The following RPS27A variants were observed in gnomAD, a reference collection of about 807,000 sequenced individuals.
The protein encoded by RPS27A is ubiquitin-ribosomal protein eS31 fusion protein.
A neutral mutation model predicts 18.9 loss-of-function variants in RPS27A; 1 was observed. The observed-to-expected ratio is 0.05, with a 90% CI of 0.02 to 0.25. RPS27A has a LOEUF of 0.25. RPS27A is among the 10% of genes least tolerant of loss of function. The pLI, the probability that RPS27A is intolerant of heterozygous loss-of-function variation, is 1.00. For missense variants in RPS27A, 123 were observed against 187.4 expected (o/e 0.66, Z 2.01); for synonymous variants, 77 against 63.7 (o/e 1.21, Z -0.99).
intron 2 of RPS27A, 90 bp downstream of exon 2, chr2:55,232,962 C>T (rs1573825812): frequency 2.8e-6 from 3 of 1,068,762 alleles, no homozygotes; most frequent in Non-Finnish European, 4.3e-6. Flanking sequence ...TGTCTTAGAC[C>T]ATGATTCCGA....
intron 5 of RPS27A, 48 bp from the exon 6 acceptor site, chr2:55,235,380 T>G: frequency 6.2e-7 from 1 of 1,604,832 alleles, no homozygotes; most frequent in East Asian, 2.2e-5. Context: ...AAATTAGACT[T>G]CAGAATGTGT....
intron 2 of RPS27A, 86 bp from the exon 3 acceptor site, chr2:55,233,277 C>T (rs1325965439): frequency 1.8e-6 from 2 of 1,137,418 alleles, no homozygotes; most frequent in Non-Finnish European, 1.3e-6. Context: ...GTCGCTGGTT[C>T]GGTTCAGTGG....
At chr2:55,232,291 T>G (rs1675494588), upstream of RPS27A, 3 of 203,800 alleles carry the variant, frequency 1.5e-5, no homozygotes, top group Admixed American at 1.6e-4. Context: ...AACTAGGGAA[T>G]CTGGGAGGTG....
intron 4 of RPS27A, 96 bp downstream of exon 4, chr2:55,234,300 C>T (rs1046533217): frequency 2.3e-6 from 2 of 885,452 alleles, no homozygotes; most frequent in Non-Finnish European, 3.7e-6. Flanking sequence ...GACTCTGTCA[C>T]CTAGGGTGGA....
chr2:55,235,114 A>G, intron 5 of RPS27A, 152 bp downstream of exon 5: 1 of 892,546 alleles, frequency 1.1e-6, no homozygotes. Flanking sequence ...AGAAATTCAG[A>G]CTTTCTGGGG....
intron 5 of RPS27A, chr2:55,235,185 T>A: frequency 1.4e-6 from 1 of 703,786 alleles, no homozygotes; most frequent in Non-Finnish European, 2.3e-6. Context: ...AAAGTCGGGT[T>A]TGGGTTCAGG....
chr2:55,233,910 G>A (rs1298607526), intron 3 of RPS27A: 1 of 619,744 alleles, frequency 1.6e-6, no homozygotes, highest in African/African-American at 1.8e-5. Flanking sequence ...TATTACAGGT[G>A]TCAGCCACTG....
At chr2:55,232,746 C>A in intron 1 of RPS27A, 38 bp downstream of exon 1, 2 of 1,331,506 alleles carry the variant, frequency 1.5e-6, no homozygotes, top group Non-Finnish European at 2.1e-6. Context: ...GGGTTAGCAC[C>A]CTATGGTGCC....
In RPS27A at chr2:55,235,524, T is replaced by C. The variant is rs1675743576; in HGVS notation, c.418T>C (p.Tyr140His). The C allele has an allele frequency of 3.1e-6, 5 of 1,609,298 alleles. No individual in the cohort carries two copies. The highest frequency in any genetic ancestry group is 3.4e-6 in the Non-Finnish European group (4 of 1,179,990). Residue 140 changes from tyrosine (Y) to histidine (H), a missense_variant, in exon 6 of 6, where the codon TAT becomes CAT. Coordinates refer to ENST00000272317, the MANE Select transcript of RPS27A (RefSeq NM_002954.6). The stretch of plus-strand genomic sequence containing the variant: ...TATGGCAAGTCACTTTGACAGACAT[T>C]ATTGTGGCAAATGTTGTCTGACTTA... ...VFMASHFDRH[Y>H]CGKCCLTYCF... is the part of the protein sequence containing the mutation.
At chr2:55,234,271 T>G in intron 4 of RPS27A, 67 bp downstream of exon 4, 1 of 1,180,314 alleles carries the variant, frequency 8.5e-7, no homozygotes, top group Non-Finnish European at 1.3e-6. Flanking sequence ...TTTATTTTAC[T>G]TTTTTTGAGA....
intron 3 of RPS27A, 177 bp from the exon 4 acceptor site, chr2:55,233,942 T>C (rs1414203183): frequency 1.5e-6 from 1 of 665,464 alleles, no homozygotes; most frequent in African/African-American, 1.8e-5. Context: ...GTATTGTCCC[T>C]AATATTAAAT....
chr2:55,232,952 T>C (rs1256994744), intron 2 of RPS27A, 80 bp downstream of exon 2: 6 of 1,156,710 alleles, frequency 5.2e-6, no homozygotes, highest in Non-Finnish European at 6.4e-6. Context: ...CTGCTTTCCA[T>C]GTCTTAGACC....
Position 55,235,617 on chromosome 2 carries a change from T to C in RPS27A, c.*40T>C, listed in dbSNP as rs200893583. 29 of 1,593,548 alleles carry C rather than the reference T, an allele frequency of 1.8e-5. No homozygotes were observed. In the Admixed American group the frequency reaches 2.2e-4, roughly 12 times the overall value. On this transcript the variant is annotated 3_prime_UTR_variant, in exon 6 of 6. Transcript: ENST00000272317. The stretch of plus-strand genomic sequence containing the variant: ...AAAAGACATGAACTAACATTTATTG[T>C]TGGGTTTTATTGCAGTAAAAAGAAT...
intron 4 of RPS27A, 118 bp from the exon 5 acceptor site, chr2:55,234,713 C>A: frequency 8.3e-7 from 1 of 1,211,632 alleles, no homozygotes; most frequent in South Asian, 1.3e-5. Context: ...TTGGGGGCTG[C>A]AAGATTCCCT....
intron 3 of RPS27A, 141 bp from the exon 4 acceptor site, chr2:55,233,978 T>G: frequency 1.4e-6 from 1 of 722,972 alleles, no homozygotes; most frequent in Non-Finnish European, 2.6e-6. Flanking sequence ...ATGTAAAGAT[T>G]TAGAACCATG....
In RPS27A at chr2:55,234,130, G is replaced by A. The variant is rs11557879; in HGVS notation, c.115G>A (p.Asp39Asn). Residue 39 changes from aspartate (D) to asparagine (N), a missense_variant, in exon 4 of 6, where the codon GAT becomes AAT. Physicochemically the swap from Asp to Asn is conservative, Grantham distance 23 (BLOSUM62 1). This residue lies in a region of RPS27A where 66 missense variants were observed against 72.6 expected (regional missense o/e 0.91). Coordinates refer to ENST00000272317, the MANE Select transcript of RPS27A (RefSeq NM_002954.6). ...KIQDKEGIPPDQQRLIFAGKQ... is the reference protein window; with the variant it reads ...KIQDKEGIPPNQQRLIFAGKQ... ...TTTTTTGTCATTAGGAATTCCTCCT[G>A]ATCAGCAGAGACTGATCTTTGCTGG... 1.2e-6 allele frequency: 2 copies of A among 1,613,282 alleles called. No homozygotes were observed. Among genetic ancestry groups the A allele is most frequent in the South Asian group, 1.1e-5 (1 of 91,046 alleles).
rs1573833977 is a variant in RPS27A at position 55,235,806 on chromosome 2, C to T, written c.*229C>T. On this transcript the variant is annotated 3_prime_UTR_variant, in exon 6 of 6. Coordinates refer to ENST00000272317, the MANE Select transcript of RPS27A (RefSeq NM_002954.6). Reference sequence around the variant, plus strand: ...CTTGATATTTTCAATTCTTAGACTACCTATACTTTGGCAGAAGTTATATTT... The same window carrying T: ...CTTGATATTTTCAATTCTTAGACTATCTATACTTTGGCAGAAGTTATATTT... The T allele has an allele frequency of 3.5e-6, 2 of 579,626 alleles. No homozygotes were observed. Among genetic ancestry groups the T allele is most frequent in the East Asian group, 5.9e-5 (2 of 33,958 alleles). The allele number at this position is 579,626 out of a possible 1,614,324, so 35.9% of individuals were successfully genotyped here.
intron 4 of RPS27A, 53 bp downstream of exon 4, chr2:55,234,257 A>G (rs1675678900): frequency 2.2e-6 from 3 of 1,341,136 alleles, no homozygotes; most frequent in Non-Finnish European, 3.2e-6. Context: ...TATTTTGGAA[A>G]TTTTTTATTT....
intron 5 of RPS27A, chr2:55,235,195 G>A: frequency 4.3e-6 from 3 of 695,728 alleles, no homozygotes; most frequent in East Asian, 2.7e-5. Flanking sequence ...TTGGGTTCAG[G>A]TCTTTACCTT....
Sources: allele counts gnomAD v4.1 joint callset, GRCh38; gene constraint gnomAD v4.1.1; regional missense constraint gnomAD v4.1.1; transcripts MANE v1.5; gene names NCBI Gene and HGNC (gene_info 2026-07-23, HGNC 2026-07-21).